The following FLRT1 variants were observed in gnomAD, a reference collection of about 807,000 sequenced individuals.
FLRT1 encodes the protein fibronectin leucine rich transmembrane protein 1, also known as leucine-rich repeat transmembrane protein FLRT1.
A neutral mutation model predicts 30.9 loss-of-function variants in FLRT1; 14 were observed. The observed-to-expected ratio is 0.45, with a 90% CI of 0.30 to 0.71. The LOEUF (loss-of-function observed/expected upper bound fraction) is 0.71, where lower values mean the gene tolerates loss of function less well. FLRT1 is among the 30% of genes least tolerant of loss of function. The pLI is 0.08. For synonymous variants in FLRT1, 368 were observed against 430.4 expected (o/e 0.85, Z 1.80); for missense variants, 737 against 949.2 (o/e 0.78, Z 2.94).
Position 64,065,789 on chromosome 11 carries a change from C to CAAA in FLRT1, c.-1038+29649_-1038+29651dup, listed in dbSNP as rs58096977. Among the ~76,000 whole-genome samples the CAAA allele has an allele frequency of 3.1e-3, 212 of 67,514 alleles. 1 individual carries two copies. The highest frequency in any genetic ancestry group is 8.5e-3 in the African/African-American group (190 of 22,418). 44.3% of individuals were successfully genotyped at this position (67,514 alleles called of 152,430 possible). ...TGGGCGACAGAGCACGACTCCGCCT[C>CAAA]AAAAAAAAAAAAAAAAAAAAAGATG... On this transcript the variant is annotated intron_variant, in intron 1 of 2. Transcript: ENST00000682287.
chr11:64,088,686 G>A (rs1944437742), intron 1 of FLRT1, among the ~76,000 whole-genome samples: 1 of 152,184 alleles, frequency 6.6e-6, no homozygotes, highest in African/African-American at 2.4e-5. Context: ...CGACCCCTCT[G>A]GGTCTCGGCT....
chr11:64,046,435 G>A (rs1943585146), intron 1 of FLRT1, among the ~76,000 whole-genome samples: 1 of 152,202 alleles, frequency 6.6e-6, no homozygotes, highest in Non-Finnish European at 1.5e-5. Context: ...TGCCCAAGGG[G>A]ACAGGAGGGA....
chr11:64,099,681 G>A (rs1012476619), intron 1 of FLRT1, among the ~76,000 whole-genome samples: 2 of 151,456 alleles, frequency 1.3e-5, no homozygotes, highest in East Asian at 3.9e-4. Flanking sequence ...GATTGATGGA[G>A]GGATGGATGG....
intron 1 of FLRT1, among the ~76,000 whole-genome samples, chr11:64,102,292 T>G (rs926105041): frequency 3.3e-5 from 5 of 152,180 alleles, no homozygotes; most frequent in African/African-American, 1.2e-4. Flanking sequence ...GGTTTTGTTT[T>G]GGATTCCAGA....
At chr11:64,083,647 G>A (rs1176082475) in intron 1 of FLRT1, among the ~76,000 whole-genome samples, 2 of 152,256 alleles carry the variant, frequency 1.3e-5, no homozygotes, top group Non-Finnish European at 2.9e-5. Flanking sequence ...AGAGGCCGCA[G>A]TGAGATGCCA....
chr11:64,110,471 ATC>A (rs1405176808), intron 2 of FLRT1, among the ~76,000 whole-genome samples: 3 of 151,836 alleles, frequency 2.0e-5, no homozygotes, highest in African/African-American at 7.3e-5. Flanking sequence ...AAAGAAAGAA[ATC>A]ATACCACCTG....
chr11:64,045,904 T>G (rs1029306800), intron 1 of FLRT1, among the ~76,000 whole-genome samples: 1 of 152,124 alleles, frequency 6.6e-6, no homozygotes, highest in Non-Finnish European at 1.5e-5. Flanking sequence ...CTGGGCAACA[T>G]AGCGAGACCC....
chr11:64,059,892 G>GGAGGC (rs58718475), intron 1 of FLRT1, among the ~76,000 whole-genome samples: 1 of 152,172 alleles, frequency 6.6e-6, no homozygotes, highest in East Asian at 1.9e-4. Flanking sequence ...TGAAGGCCGA[G>GGAGGC]GAGGCGAGGC....
At chr11:64,098,824 G>A (rs1944622266) in intron 1 of FLRT1, among the ~76,000 whole-genome samples, 1 of 152,084 alleles carries the variant, frequency 6.6e-6, no homozygotes, top group Admixed American at 6.5e-5. Flanking sequence ...ACACCACTTC[G>A]CTAAGTCACC....
At chr11:64,066,267 A>C (rs942701607) in intron 1 of FLRT1, among the ~76,000 whole-genome samples, 1 of 141,216 alleles carries the variant, frequency 7.1e-6, no homozygotes, top group Non-Finnish European at 1.5e-5. Context: ...ACTGCACCCC[A>C]GCCTCGGTGA....
At chr11:64,093,094 A>AC (rs1944518873) in intron 1 of FLRT1, among the ~76,000 whole-genome samples, 2 of 152,152 alleles carry the variant, frequency 1.3e-5, no homozygotes, top group African/African-American at 2.4e-5. Flanking sequence ...CCCCTGTGGG[A>AC]CCCTGGGCAG....
At chr11:64,111,857 C>A (rs1944869298) in intron 2 of FLRT1, among the ~76,000 whole-genome samples, 1 of 152,170 alleles carries the variant, frequency 6.6e-6, no homozygotes, top group African/African-American at 2.4e-5. Flanking sequence ...CTGGGATGGC[C>A]CTGGGCAAAG....
chr11:64,057,511 C>T (rs1315395162), intron 1 of FLRT1, among the ~76,000 whole-genome samples: 1 of 152,210 alleles, frequency 6.6e-6, no homozygotes, highest in East Asian at 1.9e-4. Flanking sequence ...TGGAGGCAAG[C>T]CCAGCTCTCC....
At chr11:64,037,908 G>T (rs769911669) in intron 1 of FLRT1, among the ~76,000 whole-genome samples, 9 of 152,146 alleles carry the variant, frequency 5.9e-5, no homozygotes, top group Non-Finnish European at 1.0e-4. Flanking sequence ...CCTGAGCCAG[G>T]GTGCTGCTTT....
chr11:64,054,821 C>T (rs1487453312), intron 1 of FLRT1, among the ~76,000 whole-genome samples: 2 of 152,072 alleles, frequency 1.3e-5, no homozygotes, highest in African/African-American at 2.4e-5. Flanking sequence ...AGTGGCCACC[C>T]CTTCCTTGGG....
At chr11:64,060,798 T>C (rs1804926724) in intron 1 of FLRT1, 2 of 152,352 alleles carry the variant, frequency 1.3e-5, no homozygotes, top group South Asian at 4.1e-4. Context: ...GAATGCCCAG[T>C]CTTTGAGTCC....
At chr11:64,053,059 G>A (rs1439061108) in intron 1 of FLRT1, among the ~76,000 whole-genome samples, 1 of 152,192 alleles carries the variant, frequency 6.6e-6, no homozygotes, top group Non-Finnish European at 1.5e-5. Context: ...TGCAGCCTCC[G>A]AATGTGGGGC....
At chr11:64,083,048 G>T (rs959515844) in intron 1 of FLRT1, 3 of 152,016 alleles carry the variant, frequency 2.0e-5, no homozygotes, top group Non-Finnish European at 4.4e-5. Flanking sequence ...CACCCAGTGG[G>T]TATCATCATC....
In FLRT1 at chr11:64,117,619, T is replaced by C; in HGVS notation, c.1352T>C (p.Ile451Thr). 6.2e-7 allele frequency: 1 copy of C among 1,613,748 alleles called. No homozygotes were observed. The change falls in exon 3 of 3, where the codon ATC (isoleucine) becomes ACC (threonine). Residue 451 changes from isoleucine to threonine, a missense_variant. Transcript: ENST00000682287. ...GTGAAGGCCCTGACGGCAGACTCCA[T>C]CCGCATCACGTGGAAGGCCACGCTC... ...IHVKALTADS[I>T]RITWKATLPA...
Sources: gnomAD v4.1 joint callset for allele counts (sites outside exome capture counted in the v4.1 genomes callset) on GRCh38, gnomAD v4.1.1 for gene constraint, MANE v1.5 for transcripts, NCBI Gene and HGNC (gene_info 2026-07-23, HGNC 2026-07-21) for gene names.